Variants in CNNM2 observed in about 807,000 individuals in gnomAD.
The protein encoded by CNNM2 is metal transporter CNNM2.
A neutral mutation model predicts 66.9 loss-of-function variants in CNNM2; 12 were observed. The observed-to-expected ratio is 0.18, with a 90% CI of 0.11 to 0.29. The LOEUF (loss-of-function observed/expected upper bound fraction) is 0.29, where lower values mean the gene tolerates loss of function less well. Among genes scored for constraint, CNNM2 ranks in the 10% least tolerant of loss-of-function variants. The pLI is 1.00. For missense variants in CNNM2, 705 were observed against 1,167.7 expected, an observed-to-expected ratio of 0.60 and a Z score of 5.77; for synonymous variants, 557 against 501.8, an observed-to-expected ratio of 1.11 and a Z score of -1.47.
chr10:103,076,957 T>A lies in CNNM2; in HGVS notation c.2419-14T>A, dbSNP rs771283741. On this transcript the variant is annotated splice_polypyrimidine_tract_variant and intron_variant, in intron 7 of 7. Transcript: ENST00000369878. ...TTATCTTGGTTTGTTTTCTGTGCCA[T>A]CTTCTGGCCCCAGATCTCAAGACAG... The A allele has an allele frequency of 6.2e-7, 1 of 1,612,500 alleles. No individual in the cohort carries two copies. Among genetic ancestry groups the A allele is most frequent in the Non-Finnish European group, 8.5e-7 (1 of 1,179,122 alleles).
Position 102,919,278 on chromosome 10 carries a change from G to C in CNNM2, c.798G>C (p.Leu266=). 6.2e-7 allele frequency: 1 copy of C among 1,613,912 alleles called. No homozygotes were observed. The highest frequency in any genetic ancestry group is 8.5e-7 in the Non-Finnish European group (1 of 1,180,044). ...AGGTGATCTTCATTTCGCTGCTGCT[G>C]TGCCTGTCGGGCATGTTCAGCGGCC... The part of the protein sequence containing the change: ...WLQVIFISLL[L]CLSGMFSGLN... The change falls in exon 1 of 8, where the codon CTG becomes CTC. Residue 266 remains leucine (L), a synonymous_variant. Coordinates refer to ENST00000369878, the MANE Select transcript of CNNM2 (RefSeq NM_017649.5).
rs113611368 is a variant in CNNM2 at position 103,072,423 on chromosome 10, C to T, written c.2233+584C>T. Among the ~76,000 whole-genome samples, 708 of 151,958 alleles carry T rather than the reference C, an allele frequency of 4.7e-3. 3 individuals are homozygous for T. The highest frequency in any genetic ancestry group is 7.1e-3 in the Admixed American group (109 of 15,286). ...GCCAGGCAGGCGGCCCTACTTCTCC[C>T]CACCACCAGGCAGGCGACCCCGCTT... On this transcript the variant is annotated intron_variant, in intron 6 of 7. Coordinates refer to ENST00000369878, the MANE Select transcript of CNNM2 (RefSeq NM_017649.5).
chr10:103,022,153 C>T (rs1270670797), intron 1 of CNNM2, among the ~76,000 whole-genome samples: 2 of 152,096 alleles, frequency 1.3e-5, no homozygotes, highest in Admixed American at 6.5e-5. Context: ...GTCAGCTGGG[C>T]GTGCTGATTT....
chr10:102,937,409 A>G (rs1846276740), intron 1 of CNNM2, among the ~76,000 whole-genome samples: 2 of 152,222 alleles, frequency 1.3e-5, no homozygotes, highest in African/African-American at 4.8e-5. Context: ...GTTGAGTTCC[A>G]ACTAGATCTG....
At chr10:102,922,535 C>T (rs1845685463) in intron 1 of CNNM2, among the ~76,000 whole-genome samples, 1 of 152,184 alleles carries the variant, frequency 6.6e-6, no homozygotes, top group Admixed American at 6.6e-5. Flanking sequence ...TCCTCTACCT[C>T]TCTCCTAAAT....
chr10:102,967,202 C>T (rs1450939182), intron 1 of CNNM2, among the ~76,000 whole-genome samples: 1 of 152,206 alleles, frequency 6.6e-6, no homozygotes, highest in Non-Finnish European at 1.5e-5. Flanking sequence ...GTCCTCCCAC[C>T]TCAGCCTCCT....
chr10:102,935,677 GCTCA>G (rs1416268851), intron 1 of CNNM2, among the ~76,000 whole-genome samples: 1 of 143,332 alleles, frequency 7.0e-6, no homozygotes, highest in East Asian at 2.1e-4. Flanking sequence ...CACAATCACA[GCTCA>G]CTGCAGCCCT....
At chr10:103,059,289 G>A (rs542631226) in intron 4 of CNNM2, among the ~76,000 whole-genome samples, 1 of 152,070 alleles carries the variant, frequency 6.6e-6, no homozygotes, top group Non-Finnish European at 1.5e-5. Context: ...TGCATTTCAA[G>A]AGCACTAAAT....
chr10:102,956,355 C>A (rs1564820037), intron 1 of CNNM2, among the ~76,000 whole-genome samples: 1 of 151,176 alleles, frequency 6.6e-6, no homozygotes, highest in Non-Finnish European at 1.5e-5. Context: ...AATAGGAACG[C>A]TTTTACACTG....
intron 1 of CNNM2, among the ~76,000 whole-genome samples, chr10:103,032,977 A>G (rs1215018787): frequency 1.3e-5 from 2 of 151,352 alleles, no homozygotes; most frequent in African/African-American, 4.9e-5. Flanking sequence ...AATTAGCCAG[A>G]TGTGGCTACC....
In CNNM2 at chr10:103,084,270, G is replaced by C. The variant is rs143425934; in HGVS notation, c.*7090G>C. Reference sequence around the variant, plus strand: ...AATTTATTTAACCGTGGCATTTGCAGTCTTTTACTTACACTTGTTCTGTGG... The same window carrying C: ...AATTTATTTAACCGTGGCATTTGCACTCTTTTACTTACACTTGTTCTGTGG... On this transcript the variant is annotated 3_prime_UTR_variant, in exon 8 of 8. Coordinates refer to ENST00000369878, the MANE Select transcript of CNNM2 (RefSeq NM_017649.5). 77 of 152,266 alleles carry C rather than the reference G, an allele frequency of 5.1e-4. No individual in the cohort carries two copies. The highest frequency in any genetic ancestry group is 1.8e-3 in the African/African-American group (73 of 41,536). The allele number at this position is 152,266 out of a possible 1,614,324, so 9.4% of individuals were successfully genotyped here.
chr10:103,062,423 G>A (rs1341368253), intron 4 of CNNM2, among the ~76,000 whole-genome samples: 1 of 152,190 alleles, frequency 6.6e-6, no homozygotes, highest in Admixed American at 6.5e-5. Flanking sequence ...TGCAGTAACG[G>A]ATCCTTAATC....
intron 1 of CNNM2, among the ~76,000 whole-genome samples, chr10:103,018,923 T>C (rs1423976369): frequency 6.7e-6 from 1 of 149,876 alleles, no homozygotes; most frequent in East Asian, 2.0e-4. Flanking sequence ...CCCAAAGTGC[T>C]GGGATTACAG....
In CNNM2 at chr10:103,000,995, G is replaced by A. The variant is rs12255047; in HGVS notation, c.1622-48712G>A. Among the ~76,000 whole-genome samples the A allele has an allele frequency of 0.41, 62,003 of 152,056 alleles. 12,871 individuals are homozygous for A. Among genetic ancestry groups the A allele is most frequent in the East Asian group, 0.56 (2,895 of 5,174 alleles). On this transcript the variant is annotated intron_variant, in intron 1 of 7. Transcript: ENST00000369878. ...GTGGTATTTACCAACAATGGAATAT[G>A]TTCTGTTTTAGGAAGGAAGAAATTC...
At chr10:102,991,712 T>G (rs1035130037) in intron 1 of CNNM2, among the ~76,000 whole-genome samples, 1 of 152,202 alleles carries the variant, frequency 6.6e-6, no homozygotes, top group Non-Finnish European at 1.5e-5. Flanking sequence ...TCATTTGTAC[T>G]GATAAATTAA....
chr10:103,001,627 A>G (rs1352470829), intron 1 of CNNM2, among the ~76,000 whole-genome samples: 1 of 152,172 alleles, frequency 6.6e-6, no homozygotes, highest in Non-Finnish European at 1.5e-5. Context: ...ATCCACATGC[A>G]AAAGAATGGA....
intron 1 of CNNM2, among the ~76,000 whole-genome samples, chr10:103,007,213 C>T (rs1479925195): frequency 6.6e-6 from 1 of 152,094 alleles, no homozygotes; most frequent in Non-Finnish European, 1.5e-5. Flanking sequence ...GAGTAGGTCA[C>T]AAAGATCACA....
chr10:103,039,246 C>T (rs1317901120), intron 1 of CNNM2, among the ~76,000 whole-genome samples: 1 of 152,082 alleles, frequency 6.6e-6, no homozygotes, highest in African/African-American at 2.4e-5. Flanking sequence ...CAGATTCAGT[C>T]CTGCCTCAGC....
chr10:103,047,246 T>C (rs748976737), intron 1 of CNNM2, among the ~76,000 whole-genome samples: 3 of 152,216 alleles, frequency 2.0e-5, no homozygotes, highest in Non-Finnish European at 4.4e-5. Context: ...CTGATGTAAC[T>C]AGAAAACCTA....
Sources: allele counts gnomAD v4.1 joint callset (sites outside exome capture counted in the v4.1 genomes callset), GRCh38; gene constraint gnomAD v4.1.1; transcripts MANE v1.5; gene names NCBI Gene and HGNC (gene_info 2026-07-23, HGNC 2026-07-21).